The following ABRACL variants were observed in gnomAD, a reference collection of about 807,000 sequenced individuals.
ABRACL encodes the protein ABRA C-terminal like, also known as costars family protein ABRACL.
ABRACL carries 4 observed loss-of-function variants against 7.0 expected under a neutral mutation model. The observed-to-expected ratio is 0.57, with a 90% CI of 0.28 to 1.30. The LOEUF (loss-of-function observed/expected upper bound fraction) is 1.30, where lower values mean the gene tolerates loss of function less well. Ranked by LOEUF, ABRACL falls within the 50% of genes most tolerant of loss-of-function variation. ABRACL has a pLI of 0.10. For missense variants in ABRACL, 104 were observed against 97.3 expected, an observed-to-expected ratio of 1.07 and a Z score of -0.29; for synonymous variants, 30 against 36.0, an observed-to-expected ratio of 0.83 and a Z score of 0.60.
At position 139,034,428 on chromosome 6, in the gene ABRACL, C is replaced by G. The variant is rs1237098082; in HGVS notation, c.61+207C>G. On this transcript the variant is annotated intron_variant, in intron 2 of 2. Coordinates refer to ENST00000367660, the MANE Select transcript of ABRACL (RefSeq NM_021243.3). Reference sequence around the variant, plus strand: ...CTTTTGGGGTATTGTGATTCTGATGCAGGGAATAGTTGAGATATTTCATTA... The same window carrying G: ...CTTTTGGGGTATTGTGATTCTGATGGAGGGAATAGTTGAGATATTTCATTA... 5.3e-6 allele frequency: 8 copies of G among 1,519,812 alleles called. No homozygotes were observed. The African/African-American group carries it at 9.7e-5, about 18-fold the overall frequency. 94.1% of individuals were successfully genotyped at this position (1,519,812 alleles called of 1,614,324 possible).
At chr6:139,036,454 C>G in intron 2 of ABRACL, among the ~76,000 whole-genome samples, 1 of 152,080 alleles carries the variant, frequency 6.6e-6, no homozygotes, top group Non-Finnish European at 1.5e-5. Context: ...CTTAGTCACT[C>G]TATTTCTATA....
At chr6:139,037,742 T>C (rs534913056) in intron 2 of ABRACL, among the ~76,000 whole-genome samples, 12 of 151,774 alleles carry the variant, frequency 7.9e-5, no homozygotes, top group Admixed American at 6.6e-4. Flanking sequence ...GTCATGTTAC[T>C]CTTGGCAGCA....
At chr6:139,036,335 T>A (rs1433431947) in intron 2 of ABRACL, among the ~76,000 whole-genome samples, 1 of 152,124 alleles carries the variant, frequency 6.6e-6, no homozygotes, top group Non-Finnish European at 1.5e-5. Flanking sequence ...TTAATTGAAT[T>A]GCATCTGAAA....
At chr6:139,038,076 C>A (rs765242193) in intron 2 of ABRACL, among the ~76,000 whole-genome samples, 1 of 152,014 alleles carries the variant, frequency 6.6e-6, no homozygotes, top group African/African-American at 2.4e-5. Context: ...TGGGCCCAGC[C>A]GTGCATTACT....
intron 2 of ABRACL, among the ~76,000 whole-genome samples, chr6:139,037,774 T>C (rs1448937733): frequency 1.1e-4 from 15 of 132,922 alleles, no homozygotes; most frequent in African/African-American, 4.1e-4. Flanking sequence ...TTTTTCTTTT[T>C]CTCTTTTTTT....
intron 2 of ABRACL, among the ~76,000 whole-genome samples, chr6:139,040,379 T>C (rs527719661): frequency 6.6e-6 from 1 of 152,214 alleles, no homozygotes; most frequent in South Asian, 2.1e-4. Flanking sequence ...TTTGTCAGAT[T>C]GAGGGGTGAG....
At chr6:139,032,195 A>C (rs1410461864) in intron 1 of ABRACL, among the ~76,000 whole-genome samples, 2 of 151,658 alleles carry the variant, frequency 1.3e-5, no homozygotes, top group African/African-American at 4.8e-5. Flanking sequence ...CGATCTCCTG[A>C]CCTCGTGATC....
chr6:139,041,451 CTA>C (rs1554211122), intron 2 of ABRACL, among the ~76,000 whole-genome samples: 1,470 of 109,982 alleles, frequency 0.013, 22 homozygotes, highest in Middle Eastern at 0.063. Flanking sequence ...CTCTCTCTCT[CTA>C]TATATATATA....
chr6:139,029,040 G>T (rs1786036415), intron 1 of ABRACL, among the ~76,000 whole-genome samples, 165 bp downstream of exon 1: 1 of 152,140 alleles, frequency 6.6e-6, no homozygotes, highest in Non-Finnish European at 1.5e-5. Flanking sequence ...AGACCTCGCG[G>T]GTTGGGGTCC....
chr6:139,038,495 T>A (rs1786198342), intron 2 of ABRACL, among the ~76,000 whole-genome samples: 1 of 152,242 alleles, frequency 6.6e-6, no homozygotes, highest in African/African-American at 2.4e-5. Flanking sequence ...ACATATGATG[T>A]ATGAGCTGAG....
At chr6:139,040,831 C>T (rs948983072) in intron 2 of ABRACL, among the ~76,000 whole-genome samples, 2 of 152,224 alleles carry the variant, frequency 1.3e-5, no homozygotes, top group Non-Finnish European at 2.9e-5. Flanking sequence ...CCACCTTACT[C>T]GTTTTCAGCC....
At chr6:139,034,890 A>C (rs1786131029) in intron 2 of ABRACL, among the ~76,000 whole-genome samples, 1 of 152,242 alleles carries the variant, frequency 6.6e-6, no homozygotes. Context: ...AATTACTATT[A>C]TACTTGCGGC....
At chr6:139,029,036 C>T (rs1786036305) in intron 1 of ABRACL, among the ~76,000 whole-genome samples, 161 bp downstream of exon 1, 1 of 152,038 alleles carries the variant, frequency 6.6e-6, no homozygotes, top group Admixed American at 6.5e-5. Flanking sequence ...GCCGAGACCT[C>T]GCGGGTTGGG....
chr6:139,030,938 T>C (rs1418783904), intron 1 of ABRACL, among the ~76,000 whole-genome samples: 1 of 152,234 alleles, frequency 6.6e-6, no homozygotes, highest in East Asian at 1.9e-4. Context: ...TTGCCTTTCA[T>C]GCTTAAAATT....
intron 1 of ABRACL, among the ~76,000 whole-genome samples, chr6:139,030,969 A>T (rs1786073884): frequency 6.6e-6 from 1 of 152,234 alleles, no homozygotes; most frequent in South Asian, 2.1e-4. Flanking sequence ...ACATCTGCTT[A>T]CTATAATGCA....
At chr6:139,039,310 TAAA>T (rs2114312625) in intron 2 of ABRACL, among the ~76,000 whole-genome samples, 1 of 152,278 alleles carries the variant, frequency 6.6e-6, no homozygotes, top group East Asian at 1.9e-4. Context: ...AATTATAATA[TAAA>T]ATAATGATGC....
chr6:139,041,790 T>C lies in ABRACL; in HGVS notation c.62-929T>C, dbSNP rs1314627846. Among the ~76,000 whole-genome samples the C allele has an allele frequency of 3.1e-4, 47 of 152,162 alleles. 1 individual carries two copies. Among genetic ancestry groups the C allele is most frequent in the Admixed American group, 3.1e-3 (47 of 15,280 alleles). ...AGTCATTGCTTTGAAAGCTAGAAAG[T>C]TATTCTCTCTAGAAAGTGATTCTCT... On this transcript the variant is annotated intron_variant, in intron 2 of 2. Coordinates refer to ENST00000367660, the MANE Select transcript of ABRACL (RefSeq NM_021243.3).
chr6:139,030,049 G>A (rs1326465365), intron 1 of ABRACL, among the ~76,000 whole-genome samples: 2 of 152,024 alleles, frequency 1.3e-5, no homozygotes, highest in Non-Finnish European at 2.9e-5. Context: ...GTGCCTGGCC[G>A]TCATCTACCT....
At chr6:139,029,750 C>T (rs1786051622) in intron 1 of ABRACL, among the ~76,000 whole-genome samples, 1 of 152,216 alleles carries the variant, frequency 6.6e-6, no homozygotes, top group African/African-American at 2.4e-5. Flanking sequence ...GCACCAGCTG[C>T]TTGTCCGCGA....
Sources: allele counts gnomAD v4.1 joint callset (sites outside exome capture counted in the v4.1 genomes callset), GRCh38; gene constraint gnomAD v4.1.1; transcripts MANE v1.5; gene names NCBI Gene and HGNC (gene_info 2026-07-23, HGNC 2026-07-21).